Variants in NTM observed in about 807,000 individuals in gnomAD.
The protein encoded by NTM is neurotrimin.
Under a neutral mutation model 42.1 loss-of-function variants are expected in NTM, and 13 were observed. The ratio of observed to expected loss-of-function variants is 0.31; its 90% CI spans 0.20 to 0.49. NTM has a LOEUF of 0.49. Ranked by LOEUF, NTM falls within the 20% of genes least tolerant of loss-of-function variation. The probability of loss-of-function intolerance (pLI) is 0.99; values close to 1 mark genes in which losing one functional copy is unlikely to be tolerated. For synonymous variants in NTM, 187 were observed against 179.2 expected (o/e 1.04, Z -0.35); for missense variants, 373 against 452.8 (o/e 0.82, Z 1.60).
chr11:132,283,879 C>T (rs2094113379), intron 4 of NTM, among the ~76,000 whole-genome samples: 2 of 152,112 alleles, frequency 1.3e-5, no homozygotes, highest in Admixed American at 6.5e-5. Flanking sequence ...CTTGCCCAGG[C>T]CCCATGGGAG....
chr11:132,218,123 C>T (rs1363166344), intron 4 of NTM, among the ~76,000 whole-genome samples: 6 of 152,048 alleles, frequency 3.9e-5, no homozygotes, highest in Non-Finnish European at 4.4e-5. Flanking sequence ...CACCAGCATC[C>T]GGGGCCCCGT....
chr11:131,719,944 CTGA>C (rs1246471122), intron 1 of NTM, among the ~76,000 whole-genome samples: 2 of 152,194 alleles, frequency 1.3e-5, no homozygotes, highest in Non-Finnish European at 2.9e-5. Flanking sequence ...CATTCTCACA[CTGA>C]TGTTTATGCT....
intron 1 of NTM, among the ~76,000 whole-genome samples, chr11:131,718,892 T>A (rs1298988065): frequency 6.6e-6 from 1 of 151,986 alleles, no homozygotes; most frequent in African/African-American, 2.4e-5. Context: ...CTCTCAGGAG[T>A]AATTATATTT....
chr11:131,888,706 C>A (rs1327436202), intron 1 of NTM, among the ~76,000 whole-genome samples: 3 of 152,212 alleles, frequency 2.0e-5, no homozygotes, highest in Non-Finnish European at 4.4e-5. Flanking sequence ...TTTCCTGTGG[C>A]GTCTTATAGA....
At position 131,504,520 on chromosome 11, in the gene NTM, C is replaced by T. The variant is rs917835157; in HGVS notation, c.82+133632C>T. Among the ~76,000 whole-genome samples, 6 of 152,160 alleles carry T rather than the reference C, an allele frequency of 3.9e-5. No individual in the cohort carries two copies. The East Asian group carries it at 5.8e-4, about 15-fold the overall frequency. The stretch of plus-strand genomic sequence containing the variant: ...AAATAACTGAGCACACCATACCACC[C>T]GTTTCCAGCTCCAAATAGAATTTGG... On this transcript the variant is annotated intron_variant, in intron 1 of 8. Transcript: ENST00000683400.
At chr11:132,067,015 C>A (rs1594282509) in intron 2 of NTM, among the ~76,000 whole-genome samples, 1 of 152,200 alleles carries the variant, frequency 6.6e-6, no homozygotes, top group East Asian at 1.9e-4. Context: ...AGTGCAGTGG[C>A]ACAGTAACAG....
chr11:132,019,860 T>A (rs893948076), intron 2 of NTM, among the ~76,000 whole-genome samples: 1 of 152,022 alleles, frequency 6.6e-6, no homozygotes, highest in East Asian at 1.9e-4. Flanking sequence ...ATTTGGTTTT[T>A]TTTTCAGGGG....
intron 1 of NTM, among the ~76,000 whole-genome samples, chr11:131,494,460 G>A (rs535020539): frequency 1.3e-5 from 2 of 152,304 alleles, no homozygotes; most frequent in East Asian, 1.9e-4. Context: ...AATGAATATG[G>A]TGAAGTTAGC....
chr11:132,103,602 G>A (rs1418510466), intron 2 of NTM, among the ~76,000 whole-genome samples: 2 of 152,302 alleles, frequency 1.3e-5, no homozygotes, highest in East Asian at 3.9e-4. Flanking sequence ...AACAAGGAGG[G>A]AAGATACCTA....
intron 1 of NTM, among the ~76,000 whole-genome samples, chr11:131,902,789 A>G (rs2053353955): frequency 6.6e-6 from 1 of 152,208 alleles, no homozygotes; most frequent in Non-Finnish European, 1.5e-5. Context: ...AGTTCTACCC[A>G]ATTACACTCT....
At chr11:131,934,698 G>A (rs781567933) in intron 2 of NTM, among the ~76,000 whole-genome samples, 4 of 152,296 alleles carry the variant, frequency 2.6e-5, no homozygotes, top group South Asian at 2.1e-4. Context: ...TGACATTTGA[G>A]CTGAGATGTC....
At chr11:131,468,134 G>A (rs902096499) in intron 1 of NTM, among the ~76,000 whole-genome samples, 1 of 152,226 alleles carries the variant, frequency 6.6e-6, no homozygotes, top group African/African-American at 2.4e-5. Context: ...CCCCTTGGCT[G>A]GCAGGTGCAC....
At chr11:132,210,245 A>C (rs2082629626) in intron 3 of NTM, among the ~76,000 whole-genome samples, 1 of 152,216 alleles carries the variant, frequency 6.6e-6, no homozygotes, top group African/African-American at 2.4e-5. Context: ...ACATGAAGAA[A>C]CAGAAGAGTG....
intron 1 of NTM, among the ~76,000 whole-genome samples, chr11:131,632,705 C>T (rs1378939972): frequency 2.2e-4 from 17 of 78,490 alleles, no homozygotes; most frequent in African/African-American, 5.0e-4. Flanking sequence ...GACGGAGTTT[C>T]GCTCTGTCGC....
At chr11:132,044,114 GTA>G (rs1566015999) in intron 2 of NTM, among the ~76,000 whole-genome samples, 9 of 136,364 alleles carry the variant, frequency 6.6e-5, no homozygotes, top group Admixed American at 5.0e-4. Context: ...GTGTGTATGT[GTA>G]TGTGTGTGTA....
chr11:132,317,978 G>T (rs1358620116), intron 7 of NTM, among the ~76,000 whole-genome samples: 1 of 152,240 alleles, frequency 6.6e-6, no homozygotes, highest in Non-Finnish European at 1.5e-5. Flanking sequence ...AGGGTAGAGA[G>T]TGAGTCTGGG....
chr11:131,614,402 A>C (rs2061726750), intron 1 of NTM, among the ~76,000 whole-genome samples: 1 of 152,220 alleles, frequency 6.6e-6, no homozygotes, highest in South Asian at 2.1e-4. Context: ...TTACAGCTCT[A>C]CGAAGGAAAA....
chr11:131,729,827 A>G (rs1288759339), intron 1 of NTM, among the ~76,000 whole-genome samples: 3 of 152,122 alleles, frequency 2.0e-5, no homozygotes, highest in African/African-American at 4.8e-5. Flanking sequence ...TCATCTATCA[A>G]TTGAAATTGT....
At chr11:131,673,730 T>G (rs1395110826) in intron 1 of NTM, among the ~76,000 whole-genome samples, 1 of 152,164 alleles carries the variant, frequency 6.6e-6, no homozygotes, top group African/African-American at 2.4e-5. Context: ...CCTGAGACCC[T>G]CTGTAGACAG....
Sources: allele counts gnomAD v4.1 joint callset (sites outside exome capture counted in the v4.1 genomes callset), GRCh38; gene constraint gnomAD v4.1.1; transcripts MANE v1.5; gene names NCBI Gene and HGNC (gene_info 2026-07-23, HGNC 2026-07-21).